Variants in CEP162 observed in about 807,000 individuals in gnomAD.
CEP162 encodes centrosomal protein 162.
A neutral mutation model predicts 169.2 loss-of-function variants in CEP162; 141 were observed. That is an observed-to-expected ratio of 0.83 (90% CI 0.73 to 0.96). The LOEUF (loss-of-function observed/expected upper bound fraction) is 0.96. Among genes scored for constraint, CEP162 ranks in the 40% least tolerant of loss-of-function variants. The probability of loss-of-function intolerance (pLI) is 0.00; values close to 1 mark genes in which losing one functional copy is unlikely to be tolerated. For missense variants in CEP162, 1,600 were observed against 1,587.2 expected (o/e 1.01, Z -0.14); for synonymous variants, 540 against 526.4 (o/e 1.03, Z -0.35).
In CEP162 at chr6:84,195,016, T is replaced by C. The variant is rs558792486; in HGVS notation, c.895A>G (p.Ile299Val). 3 of 1,611,950 alleles carry C rather than the reference T, an allele frequency of 1.9e-6. No homozygotes were observed. The South Asian group carries it at 3.3e-5, about 18-fold the overall frequency. The change falls in exon 10 of 27, where the codon ATA becomes GTA. Residue 299 changes from isoleucine (I) to valine (V), a missense_variant. By Grantham distance (29) the Ile-to-Val change is conservative. Transcript: ENST00000403245. ...TCTTCATCTCCCAATGAATGGGCTA[T>C]ATGACAATAAGCTTGATGTAGGGCT... ...VEALHQAYCH[I>V]AHSLGDEDKQ... is the part of the protein sequence containing the mutation.
At chr6:84,185,819 C>T (rs1269072237) in intron 12 of CEP162, among the ~76,000 whole-genome samples, 1 of 151,960 alleles carries the variant, frequency 6.6e-6, no homozygotes. Context: ...TGCCTTATTC[C>T]ACAAAGAACT....
chr6:84,149,662 G>A lies in CEP162; in HGVS notation c.3671C>T (p.Ala1224Val), dbSNP rs1173297964. The A allele has an allele frequency of 1.3e-6, 2 of 1,589,480 alleles. No individual in the cohort carries two copies. Among genetic ancestry groups the A allele is most frequent in the African/African-American group, 1.3e-5 (1 of 74,218 alleles). The change falls in exon 24 of 27, where the codon GCA becomes GTA. Residue 1224 changes from alanine (A) to valine (V), a missense_variant. Ala to Val is a moderately conservative substitution (Grantham distance 64). Transcript: ENST00000403245. ...TTTCTCTATTTCTCTCTGATGAGATGCTTTGAGGGATGCAATGTGTGCTGC... is the reference window on the plus strand; with the variant it reads ...TTTCTCTATTTCTCTCTGATGAGATACTTTGAGGGATGCAATGTGTGCTGC... ...DTAAHIASLK[A>V]SHQREIEKLL...
At chr6:84,225,307 T>C (rs2099555274) in intron 2 of CEP162, among the ~76,000 whole-genome samples, 1 of 152,200 alleles carries the variant, frequency 6.6e-6, no homozygotes, top group Non-Finnish European at 1.5e-5. Context: ...TTATTGCTCC[T>C]AGGTTACAAA....
chr6:84,203,741 T>G (rs1019043840), intron 7 of CEP162, among the ~76,000 whole-genome samples: 1 of 152,196 alleles, frequency 6.6e-6, no homozygotes, highest in Non-Finnish European at 1.5e-5. Flanking sequence ...CATGAACCAC[T>G]GTGCCTGGCC....
At chr6:84,195,403 T>C (rs1420331324) in intron 9 of CEP162, among the ~76,000 whole-genome samples, 2 of 152,188 alleles carry the variant, frequency 1.3e-5, no homozygotes, top group Non-Finnish European at 2.9e-5. Context: ...CTACCTCTCC[T>C]TTACCATTAC....
At chr6:84,201,051 G>A (rs1446379252) in intron 8 of CEP162, 146 bp from the exon 9 acceptor site, 6 of 403,216 alleles carry the variant, frequency 1.5e-5, no homozygotes, top group Non-Finnish European at 2.8e-5. Flanking sequence ...GGCCAAGGCG[G>A]GCAGATCACG....
rs571219957 is a variant in CEP162, at chr6:84,129,259, G to A, written c.3871-2747C>T. ...ATTTCTAGTTCTAGATCCTTGAGGA[G>A]TCGCCACACTGTCTCCCACAGTGGT... On this transcript the variant is annotated intron_variant, in intron 25 of 26. Coordinates refer to ENST00000403245, the MANE Select transcript of CEP162 (RefSeq NM_014895.4). Among the ~76,000 whole-genome samples, 163 of 152,242 alleles carry A rather than the reference G, an allele frequency of 1.1e-3. 1 individual carries two copies. Among genetic ancestry groups the A allele is most frequent in the Non-Finnish European group, 2.0e-3 (138 of 68,016 alleles).
chr6:84,192,005 G>C (rs2099540141), intron 11 of CEP162, among the ~76,000 whole-genome samples: 1 of 152,154 alleles, frequency 6.6e-6, no homozygotes, highest in African/African-American at 2.4e-5. Context: ...CTGACTGGTT[G>C]GATGATGTCA....
intron 11 of CEP162, among the ~76,000 whole-genome samples, chr6:84,189,292 CCACTG>C (rs936935832): frequency 2.1e-3 from 314 of 152,326 alleles, no homozygotes; most frequent in African/African-American, 7.4e-3. Flanking sequence ...CTTCAGCCCC[CCACTG>C]CACTGTGGGA....
chr6:84,215,083 A>G (rs1281053452), intron 5 of CEP162, among the ~76,000 whole-genome samples, 199 bp downstream of exon 5: 2 of 152,240 alleles, frequency 1.3e-5, no homozygotes, highest in Non-Finnish European at 1.5e-5. Context: ...TGGAGGCAGC[A>G]TGGGCTCTCA....
chr6:84,197,270 G>A (rs2099542548), intron 9 of CEP162, among the ~76,000 whole-genome samples: 1 of 151,802 alleles, frequency 6.6e-6, no homozygotes, highest in South Asian at 2.1e-4. Flanking sequence ...AAAGGAGGTA[G>A]GAGAGGCTGC....
Position 84,214,257 on chromosome 6 carries a change from C to T in CEP162, c.503+1025G>A, listed in dbSNP as rs144773679. 7.7e-3 allele frequency among the ~76,000 whole-genome samples: 1,171 copies of T among 152,260 alleles called. 18 individuals are homozygous for T. The highest frequency in any genetic ancestry group is 0.026 in the African/African-American group (1,093 of 41,558). On this transcript the variant is annotated intron_variant, in intron 5 of 26. Coordinates refer to ENST00000403245, the MANE Select transcript of CEP162 (RefSeq NM_014895.4). ...TCGTGCCACTGCACTCCAGCCTGGG[C>T]GACAGAGCGAGACTCCGTCTCAAAA...
At chr6:84,156,047 C>T (rs931475541) in intron 21 of CEP162, among the ~76,000 whole-genome samples, 1 of 151,958 alleles carries the variant, frequency 6.6e-6, no homozygotes, top group Non-Finnish European at 1.5e-5. Flanking sequence ...ATCAATGGAA[C>T]AGAATAGAGA....
rs539199602 is a variant in CEP162 at position 84,183,419 on chromosome 6, C to CA, written c.1663+1767dup. On this transcript the variant is annotated intron_variant, in intron 13 of 26. Transcript: ENST00000403245. Reference sequence around the variant, plus strand: ...CATCTCAGATACTCATTCCCATTGGCATAGTTTAGGTCTTTCCTAGACTAT... The same window carrying CA: ...CATCTCAGATACTCATTCCCATTGGCAATAGTTTAGGTCTTTCCTAGACTAT... Among the ~76,000 whole-genome samples, 523 of 152,218 alleles carry CA rather than the reference C, an allele frequency of 3.4e-3. 3 individuals carry two copies. The highest frequency in any genetic ancestry group is 0.012 in the African/African-American group (481 of 41,552).
chr6:84,185,090 G>C (rs574668843), intron 13 of CEP162, 97 bp downstream of exon 13: 2 of 1,145,940 alleles, frequency 1.7e-6, no homozygotes, highest in African/African-American at 3.1e-5. Flanking sequence ...GTTGCCTCCT[G>C]CAAATTGAAT....
chr6:84,155,697 C>T, intron 21 of CEP162, 187 bp from the exon 22 acceptor site: 1 of 553,154 alleles, frequency 1.8e-6, no homozygotes, highest in Non-Finnish European at 3.2e-6. Flanking sequence ...AGGATGTTTG[C>T]CAGGAGAACT....
intron 5 of CEP162, among the ~76,000 whole-genome samples, chr6:84,213,609 T>C (rs1344754504): frequency 6.6e-6 from 1 of 152,180 alleles, no homozygotes; most frequent in East Asian, 1.9e-4. Flanking sequence ...CCCTATTTAG[T>C]GAGATCGTTA....
intron 21 of CEP162, among the ~76,000 whole-genome samples, chr6:84,158,848 AT>A (rs1331266938): frequency 6.6e-6 from 1 of 151,918 alleles, no homozygotes; most frequent in Non-Finnish European, 1.5e-5. Flanking sequence ...ATGAGATTTT[AT>A]TTGTATCTTC....
intron 21 of CEP162, among the ~76,000 whole-genome samples, chr6:84,160,486 T>C (rs2099525312): frequency 6.6e-6 from 1 of 152,144 alleles, no homozygotes; most frequent in South Asian, 2.1e-4. Flanking sequence ...CTCTCAGCTG[T>C]CTACGGTCAG....
Sources: gnomAD v4.1 joint callset for allele counts (sites outside exome capture counted in the v4.1 genomes callset) on GRCh38, gnomAD v4.1.1 for gene constraint, MANE v1.5 for transcripts, NCBI Gene and HGNC (gene_info 2026-07-23, HGNC 2026-07-21) for gene names.